SNX7: variants seen among roughly 807,000 people sequenced by gnomAD.
SNX7 encodes the protein sorting nexin 7, also known as sorting nexin-7.
In SNX7, 35 loss-of-function variants were observed where a neutral mutation model predicts 48.4. The observed-to-expected ratio is 0.72, with a 90% CI of 0.55 to 0.96. The LOEUF (loss-of-function observed/expected upper bound fraction) is 0.96, where lower values mean the gene tolerates loss of function less well. Ranked by LOEUF, SNX7 falls within the 40% of genes least tolerant of loss-of-function variation. The pLI is 0.00. For missense variants in SNX7, 553 were observed against 548.9 expected (o/e 1.01, Z -0.07); for synonymous variants, 190 against 190.2 (o/e 1.00, Z 0.01).
chr1:98,672,374 A>T (rs1557786799), intron 1 of SNX7, among the ~76,000 whole-genome samples: 1 of 151,096 alleles, frequency 6.6e-6, no homozygotes, highest in Non-Finnish European at 1.5e-5. Context: ...TTCTACCCAG[A>T]TACTGCCATT....
chr1:98,741,265 G>A (rs1386928058), intron 8 of SNX7, among the ~76,000 whole-genome samples: 1 of 152,196 alleles, frequency 6.6e-6, no homozygotes, highest in East Asian at 1.9e-4. Flanking sequence ...GTCACAGATT[G>A]TTTAGAAATT....
At chr1:98,748,950 T>C (rs757726994) in intron 8 of SNX7, among the ~76,000 whole-genome samples, 17 of 152,270 alleles carry the variant, frequency 1.1e-4, no homozygotes, top group Non-Finnish European at 2.2e-4. Context: ...TTAATAATTT[T>C]CTAATAATCC....
rs1218227101 is a variant in SNX7, at chr1:98,717,734, A to T, written c.1125+15831A>T. On this transcript the variant is annotated intron_variant, in intron 7 of 8. Coordinates refer to ENST00000306121, the MANE Select transcript of SNX7 (RefSeq NM_015976.5). ...TCAGTCACAAAGAGGGTATGAAATG[A>T]GATAAGGAGGTACAGTTTCTTTCCT... Among the ~76,000 whole-genome samples the T allele has an allele frequency of 2.6e-5, 4 of 152,098 alleles. No individual in the cohort carries two copies. The East Asian group carries it at 7.7e-4, about 29-fold the overall frequency.
Position 98,715,612 on chromosome 1 carries a change from G to A in SNX7, c.1125+13709G>A, listed in dbSNP as rs75211376. ...ATTATCATTACTTGTTTTGATGCACGAGTTACCCAAATTTGATGAGTGGGA... is the reference window on the plus strand; with the variant it reads ...ATTATCATTACTTGTTTTGATGCACAAGTTACCCAAATTTGATGAGTGGGA... On this transcript the variant is annotated intron_variant, in intron 7 of 8. Coordinates refer to ENST00000306121, the MANE Select transcript of SNX7 (RefSeq NM_015976.5). Among the ~76,000 whole-genome samples, 65 of 152,158 alleles carry A rather than the reference G, an allele frequency of 4.3e-4. 2 individuals are homozygous for A. The East Asian group carries it at 0.012, about 27-fold the overall frequency.
At chr1:98,672,930 CAAAAAAAAAAAAA>C (rs57705068) in intron 1 of SNX7, among the ~76,000 whole-genome samples, 1 of 88,528 alleles carries the variant, frequency 1.1e-5, no homozygotes, top group African/African-American at 4.5e-5. Flanking sequence ...GACTCCGTCT[CAAAAAAAAAAAAA>C]AAAAAAAAAG....
chr1:98,748,697 G>C (rs1031059356), intron 8 of SNX7, among the ~76,000 whole-genome samples: 84 of 148,122 alleles, frequency 5.7e-4, no homozygotes, highest in African/African-American at 2.1e-3. Context: ...AAATAAGAAA[G>C]ATGGGTCTTC....
At chr1:98,669,227 T>C (rs946429779) in intron 1 of SNX7, among the ~76,000 whole-genome samples, 2 of 152,246 alleles carry the variant, frequency 1.3e-5, no homozygotes, top group African/African-American at 4.8e-5. Flanking sequence ...TCTCCATGTC[T>C]GTTCATATAT....
At chr1:98,705,529 G>T (rs1651964503) in intron 7 of SNX7, among the ~76,000 whole-genome samples, 1 of 152,160 alleles carries the variant, frequency 6.6e-6, no homozygotes. Flanking sequence ...TTTAGCTGTT[G>T]TCATTTTGAT....
chr1:98,751,696 G>T lies in SNX7; in HGVS notation c.1279-8358G>T, dbSNP rs548114942. Among the ~76,000 whole-genome samples, 43 of 152,226 alleles carry T rather than the reference G, an allele frequency of 2.8e-4. 1 individual carries two copies. The highest frequency in any genetic ancestry group is 5.1e-4 in the Non-Finnish European group (35 of 67,998). On this transcript the variant is annotated intron_variant, in intron 8 of 8. Transcript: ENST00000306121. ...ACTTAATTTTTTCTGCAGTGAGAAG[G>T]AGCTGTTCACCATGGTTTCATGTAG...
At position 98,760,253 on chromosome 1, in the gene SNX7, C is replaced by G; in HGVS notation, c.*122C>G. The G allele has an allele frequency of 2.8e-6, 2 of 716,374 alleles. No homozygotes were observed. Among genetic ancestry groups the G allele is most frequent in the Middle Eastern group, 2.9e-4 (1 of 3,432 alleles). The allele number at this position is 716,374 out of a possible 1,614,324, so 44.4% of individuals were successfully genotyped here. ...AATGTTTTGTACCCATCTGGAAAACCAACAACTTGAAATCTCAGGTATTCC... is the reference window on the plus strand; with the variant it reads ...AATGTTTTGTACCCATCTGGAAAACGAACAACTTGAAATCTCAGGTATTCC... On this transcript the variant is annotated 3_prime_UTR_variant, in exon 9 of 9. Coordinates refer to ENST00000306121, the MANE Select transcript of SNX7 (RefSeq NM_015976.5).
intron 8 of SNX7, among the ~76,000 whole-genome samples, chr1:98,747,293 G>A (rs1020834450): frequency 1.3e-5 from 2 of 152,068 alleles, no homozygotes; most frequent in Non-Finnish European, 2.9e-5. Flanking sequence ...GATCTCTAAT[G>A]CTACTTTAAG....
intron 1 of SNX7, among the ~76,000 whole-genome samples, chr1:98,669,715 T>C (rs1432298410): frequency 6.6e-6 from 1 of 152,228 alleles, no homozygotes; most frequent in Non-Finnish European, 1.5e-5. Context: ...TTTTCTACTT[T>C]TGTGTAGTTA....
intron 8 of SNX7, among the ~76,000 whole-genome samples, chr1:98,754,723 A>T (rs545899393): frequency 1.3e-5 from 2 of 152,136 alleles, no homozygotes; most frequent in African/African-American, 4.8e-5. Flanking sequence ...CATGGCTAAA[A>T]AGTTTAATAA....
At position 98,698,916 on chromosome 1, in the gene SNX7, C is replaced by T. The variant is rs755763069; in HGVS notation, c.1038+11C>T. The T allele has an allele frequency of 6.2e-7, 1 of 1,611,786 alleles. No homozygotes were observed. Among genetic ancestry groups the T allele is most frequent in the Non-Finnish European group, 8.5e-7 (1 of 1,178,160 alleles). On this transcript the variant is annotated intron_variant, in intron 6 of 8. Coordinates refer to ENST00000306121, the MANE Select transcript of SNX7 (RefSeq NM_015976.5). ...AGTGAAATGTTAATGGTAAGAACAC[C>T]TAATTCTAATTTTACCTCAGTCCCT...
At chr1:98,737,140 A>G (rs1488564268) in intron 7 of SNX7, among the ~76,000 whole-genome samples, 1 of 151,130 alleles carries the variant, frequency 6.6e-6, no homozygotes. Flanking sequence ...TCACCTAGGC[A>G]TGCTTCTACC....
intron 8 of SNX7, among the ~76,000 whole-genome samples, chr1:98,750,383 G>T (rs1557839003): frequency 6.6e-6 from 1 of 151,874 alleles, no homozygotes; most frequent in South Asian, 2.1e-4. Flanking sequence ...TTTTATTTTA[G>T]TGAGCCTCAG....
rs761856027 is a variant in SNX7, at chr1:98,746,592, A to G, written c.1278+8203A>G. 2.6e-5 allele frequency among the ~76,000 whole-genome samples: 4 copies of G among 152,140 alleles called. No individual in the cohort carries two copies. The South Asian group carries it at 8.3e-4, about 31-fold the overall frequency. ...CACATGATAGAGATATAAGATTTCT[A>G]ATGCTCATTAGAGTGTTCATTTTAA... On this transcript the variant is annotated intron_variant, in intron 8 of 8. Coordinates refer to ENST00000306121, the MANE Select transcript of SNX7 (RefSeq NM_015976.5).
chr1:98,714,765 A>G (rs899122019), intron 7 of SNX7, among the ~76,000 whole-genome samples: 4 of 152,166 alleles, frequency 2.6e-5, no homozygotes, highest in Non-Finnish European at 4.4e-5. Context: ...TATGAAGGAC[A>G]GAGGCGCAGC....
chr1:98,691,200 T>A lies in SNX7; in HGVS notation c.474+15T>A, dbSNP rs575550795. ...TGATTATTCCAGTAAGTTTGCAAAATTTTTTTTTTCATAGAATAGCTACCA... is the reference window on the plus strand; with the variant it reads ...TGATTATTCCAGTAAGTTTGCAAAAATTTTTTTTTCATAGAATAGCTACCA... On this transcript the variant is annotated intron_variant, in intron 3 of 8. Coordinates refer to ENST00000306121, the MANE Select transcript of SNX7 (RefSeq NM_015976.5). 42 of 1,452,002 alleles carry A rather than the reference T, an allele frequency of 2.9e-5. 2 individuals are homozygous for A. Among genetic ancestry groups the A allele is most frequent in the East Asian group, 1.5e-4 (6 of 40,562 alleles). 89.9% of individuals were successfully genotyped at this position (1,452,002 alleles called of 1,614,324 possible).
Sources: gnomAD v4.1 joint callset for allele counts (sites outside exome capture counted in the v4.1 genomes callset) on GRCh38, gnomAD v4.1.1 for gene constraint, MANE v1.5 for transcripts, NCBI Gene and HGNC (gene_info 2026-07-23, HGNC 2026-07-21) for gene names.